Variants in NAV1 observed in about 807,000 individuals in gnomAD.
NAV1 encodes pore membrane and/or filament interacting like protein 3.
NAV1 carries 18 observed loss-of-function variants against 175.2 expected under a neutral mutation model. The ratio of observed to expected loss-of-function variants is 0.10; its 90% CI spans 0.07 to 0.15. NAV1 has a LOEUF of 0.15. Ranked by LOEUF, NAV1 falls within the 10% of genes least tolerant of loss-of-function variation. NAV1 has a pLI of 1.00. For synonymous variants in NAV1, 897 were observed against 978.7 expected (o/e 0.92, Z 1.56); for missense variants, 1,731 against 2,436.6 (o/e 0.71, Z 6.10).
At chr1:201,695,743 C>T (rs1003624648) in intron 1 of NAV1, among the ~76,000 whole-genome samples, 2 of 152,220 alleles carry the variant, frequency 1.3e-5, no homozygotes, top group South Asian at 2.1e-4. Context: ...CCCTGACCTC[C>T]ACTCCATTGC....
At chr1:201,627,902 A>G (rs1417892429) in intron 1 of NAV1, among the ~76,000 whole-genome samples, 1 of 152,010 alleles carries the variant, frequency 6.6e-6, no homozygotes, top group Non-Finnish European at 1.5e-5. Flanking sequence ...GCACTTTGAG[A>G]GGCTGAGGTG....
At chr1:201,691,419 G>GT (rs1258339829) in intron 1 of NAV1, among the ~76,000 whole-genome samples, 1 of 152,186 alleles carries the variant, frequency 6.6e-6, no homozygotes, top group Admixed American at 6.5e-5. Flanking sequence ...TTTTTATTTT[G>GT]TTTTGGTCAG....
At chr1:201,577,275 A>G (rs1666716895) in intron 1 of NAV1, among the ~76,000 whole-genome samples, 1 of 152,254 alleles carries the variant, frequency 6.6e-6, no homozygotes, top group Admixed American at 6.5e-5. Context: ...GGTCTTTTAC[A>G]GAATGAAACA....
chr1:201,608,518 C>T (rs188878419), intron 2 of NAV1, among the ~76,000 whole-genome samples: 81 of 152,310 alleles, frequency 5.3e-4, no homozygotes, highest in African/African-American at 1.7e-3. Context: ...AGTGAGGCAC[C>T]GAGTACAGGC....
At chr1:201,643,110 TCTTTCTTC>T (rs1396457154) in intron 2 of NAV1, among the ~76,000 whole-genome samples, 3 of 150,480 alleles carry the variant, frequency 2.0e-5, no homozygotes, top group African/African-American at 7.4e-5. Context: ...TTTCTTTCTT[TCTTTCTTC>T]CTTCCTTCCT....
intron 2 of NAV1, among the ~76,000 whole-genome samples, chr1:201,641,863 GC>G (rs963579447): frequency 5.3e-5 from 8 of 152,024 alleles, no homozygotes; most frequent in African/African-American, 1.9e-4. Context: ...GGGCTCATGT[GC>G]CCCCTTCTCC....
chr1:201,569,099 C>G (rs989131793), intron 1 of NAV1, among the ~76,000 whole-genome samples: 1 of 152,178 alleles, frequency 6.6e-6, no homozygotes, highest in African/African-American at 2.4e-5. Flanking sequence ...CTCCCCCAGC[C>G]CCTAGAACTT....
intron 3 of NAV1, among the ~76,000 whole-genome samples, chr1:201,767,318 G>A (rs1245223794): frequency 6.6e-6 from 1 of 151,728 alleles, no homozygotes; most frequent in Non-Finnish European, 1.5e-5. Flanking sequence ...GGGCATGGTG[G>A]TGGGCACCTG....
intron 2 of NAV1, among the ~76,000 whole-genome samples, chr1:201,640,755 C>G (rs1668729186): frequency 4.6e-5 from 7 of 152,212 alleles, no homozygotes; most frequent in Admixed American, 4.6e-4. Context: ...TGCACTGTGT[C>G]TTGCCACGGG....
chr1:201,679,042 A>G (rs951746750), intron 1 of NAV1, among the ~76,000 whole-genome samples: 2 of 151,606 alleles, frequency 1.3e-5, no homozygotes, highest in Non-Finnish European at 2.9e-5. Flanking sequence ...AGGTGGGGCT[A>G]TTTACTGGGG....
At chr1:201,696,738 G>A (rs376658513) in intron 1 of NAV1, among the ~76,000 whole-genome samples, 2 of 152,158 alleles carry the variant, frequency 1.3e-5, no homozygotes, top group East Asian at 1.9e-4. Flanking sequence ...GAAAAAGCAC[G>A]GACTTCAGAG....
upstream of NAV1, among the ~76,000 whole-genome samples, chr1:201,619,980 G>C (rs979565952): frequency 6.6e-6 from 1 of 152,236 alleles, no homozygotes; most frequent in African/African-American, 2.4e-5. Flanking sequence ...GGGGGTCATA[G>C]CAATTCCCTT....
intron 2 of NAV1, among the ~76,000 whole-genome samples, chr1:201,592,084 C>T (rs1667215958): frequency 6.6e-6 from 1 of 152,194 alleles, no homozygotes; most frequent in Admixed American, 6.5e-5. Context: ...CTCAAGCCCC[C>T]ACTCTCCTCT....
intron 3 of NAV1, among the ~76,000 whole-genome samples, chr1:201,729,557 C>T (rs1057462155): frequency 3.3e-5 from 5 of 152,006 alleles, no homozygotes; most frequent in African/African-American, 1.2e-4. Context: ...ACGAGAATTG[C>T]TTGAACCTGG....
chr1:201,719,694 A>G (rs1193716797), intron 3 of NAV1: 1 of 153,610 alleles, frequency 6.5e-6, no homozygotes, highest in Non-Finnish European at 1.5e-5. Flanking sequence ...CTCTTAGCCT[A>G]CTGCCACTTT....
intron 8 of NAV1, among the ~76,000 whole-genome samples, chr1:201,785,981 T>C (rs1413441392): frequency 6.6e-6 from 1 of 151,856 alleles, no homozygotes; most frequent in Non-Finnish European, 1.5e-5. Flanking sequence ...TTAGTAGAGA[T>C]GGGGTTTCAC....
At chr1:201,566,959 T>C (rs1666371572) in intron 1 of NAV1, among the ~76,000 whole-genome samples, 1 of 152,224 alleles carries the variant, frequency 6.6e-6, no homozygotes, top group South Asian at 2.1e-4. Context: ...TGTACTGTAA[T>C]TTGCTCAACT....
At chr1:201,575,597 G>C (rs1300947729) in intron 1 of NAV1, among the ~76,000 whole-genome samples, 1 of 152,140 alleles carries the variant, frequency 6.6e-6, no homozygotes, top group Non-Finnish European at 1.5e-5. Context: ...TGGAGGAAAT[G>C]TTCAGGGGCC....
chr1:201,564,749 G>A (rs1666303259), intron 1 of NAV1, among the ~76,000 whole-genome samples: 1 of 152,202 alleles, frequency 6.6e-6, no homozygotes, highest in Admixed American at 6.5e-5. Context: ...GGTGTCACTG[G>A]GCTAATTCCA....
Sources: gnomAD v4.1 joint callset for allele counts (sites outside exome capture counted in the v4.1 genomes callset) on GRCh38, gnomAD v4.1.1 for gene constraint, MANE v1.5 for transcripts, NCBI Gene and HGNC (gene_info 2026-07-23, HGNC 2026-07-21) for gene names.